The following MPHOSPH10 variants were observed in gnomAD, a reference collection of about 807,000 sequenced individuals.
MPHOSPH10 encodes U3 small nucleolar ribonucleoprotein MPP10.
In MPHOSPH10, 33 loss-of-function variants were observed where a neutral mutation model predicts 77.3. The observed-to-expected ratio is 0.43, with a 90% CI of 0.32 to 0.57. The LOEUF (loss-of-function observed/expected upper bound fraction) is 0.57. MPHOSPH10 is among the 20% of genes least tolerant of loss of function. MPHOSPH10 has a pLI of 0.07. For missense variants in MPHOSPH10, 708 were observed against 780.1 expected (o/e 0.91, Z 1.10); for synonymous variants, 245 against 268.0 (o/e 0.91, Z 0.84).
chr2:71,132,065 T>G (rs1158793366), intron 1 of MPHOSPH10, among the ~76,000 whole-genome samples: 1 of 152,184 alleles, frequency 6.6e-6, no homozygotes, highest in Non-Finnish European at 1.5e-5. Flanking sequence ...AATGTCTTCA[T>G]TTTTCTCTAT....
At position 71,130,701 on chromosome 2, in the gene MPHOSPH10, G is replaced by T. The variant is rs760489505; in HGVS notation, c.36G>T (p.Glu12Asp). Residue 12 changes from glutamate to aspartate, a missense_variant, in exon 1 of 11, where the codon GAG becomes GAT. By Grantham distance (45) the Glu-to-Asp change is conservative. This residue lies in a region of MPHOSPH10 where 433 missense variants were observed against 432.6 expected (regional missense o/e 1.00). Transcript: ENST00000244230. Reference sequence around the variant, plus strand: ...AGGTCTGGCGTCGACGGACCCTGGAGCGGTGTCTGACGGAAGTCGGCAAAG... The same window carrying T: ...AGGTCTGGCGTCGACGGACCCTGGATCGGTGTCTGACGGAAGTCGGCAAAG... ...APQVWRRRTL[E>D]RCLTEVGKAT... The T allele has an allele frequency of 4.3e-6, 7 of 1,611,082 alleles. No homozygotes were observed. Among genetic ancestry groups the T allele is most frequent in the Non-Finnish European group, 5.9e-6 (7 of 1,179,364 alleles).
intron 4 of MPHOSPH10, among the ~76,000 whole-genome samples, chr2:71,136,928 A>G (rs1450147555): frequency 1.4e-5 from 2 of 141,866 alleles, no homozygotes; most frequent in African/African-American, 5.4e-5. Context: ...ACACACACAC[A>G]CACACACACA....
At chr2:71,137,110 A>G (rs1445885832) in intron 4 of MPHOSPH10, among the ~76,000 whole-genome samples, 1 of 152,136 alleles carries the variant, frequency 6.6e-6, no homozygotes, top group Non-Finnish European at 1.5e-5. Flanking sequence ...GAGAAAAAAC[A>G]TATAGTCACC....
chr2:71,142,752 G>A (rs939090395), intron 7 of MPHOSPH10, among the ~76,000 whole-genome samples: 10 of 152,194 alleles, frequency 6.6e-5, no homozygotes, highest in African/African-American at 1.2e-4. Flanking sequence ...CAGTAGTAGC[G>A]TGATGCCTGA....
rs369080103 is a variant in MPHOSPH10, at chr2:71,147,992, T to A, written c.1558-7T>A. 1.9e-6 allele frequency: 3 copies of A among 1,611,026 alleles called. No homozygotes were observed. The African/African-American group carries it at 4.0e-5, about 22-fold the overall frequency. ...GCTTCCCATTGAATGTATTATCTCTTTTCTAGCCTGTACCAGAGATTAAAG... is the reference window on the plus strand; with the variant it reads ...GCTTCCCATTGAATGTATTATCTCTATTCTAGCCTGTACCAGAGATTAAAG... On this transcript the variant is annotated splice_polypyrimidine_tract_variant and splice_region_variant and intron_variant, in intron 8 of 10. Transcript: ENST00000244230.
intron 7 of MPHOSPH10, among the ~76,000 whole-genome samples, chr2:71,142,066 T>A (rs1489409024): frequency 6.6e-6 from 1 of 152,110 alleles, no homozygotes; most frequent in Non-Finnish European, 1.5e-5. Flanking sequence ...AAATCGCTGG[T>A]TAAATAATAG....
intron 8 of MPHOSPH10, among the ~76,000 whole-genome samples, chr2:71,146,438 C>T (rs566785268): frequency 2.7e-5 from 4 of 146,994 alleles, no homozygotes; most frequent in African/African-American, 7.5e-5. Flanking sequence ...CAAGTTTAAG[C>T]GATTCTCCTG....
chr2:71,142,120 T>A (rs1354967231), intron 7 of MPHOSPH10, among the ~76,000 whole-genome samples: 1 of 152,222 alleles, frequency 6.6e-6, no homozygotes, highest in African/African-American at 2.4e-5. Context: ...GATATAATAA[T>A]CGAATTATTC....
intron 8 of MPHOSPH10, among the ~76,000 whole-genome samples, chr2:71,147,653 A>G (rs1481001841): frequency 6.6e-6 from 1 of 152,040 alleles, no homozygotes; most frequent in Admixed American, 6.5e-5. Flanking sequence ...AGCCTGGGCA[A>G]CAGAGCAAGG....
intron 4 of MPHOSPH10, among the ~76,000 whole-genome samples, chr2:71,135,798 G>A (rs1164656863): frequency 2.0e-5 from 3 of 150,794 alleles, no homozygotes; most frequent in African/African-American, 7.3e-5. Context: ...CACCTCCCAG[G>A]TTCAATCAAT....
In MPHOSPH10 at chr2:71,149,463, AG is replaced by A. The variant is rs770581528; in HGVS notation, c.1896+13del. 12 of 1,605,332 alleles carry A rather than the reference AG, an allele frequency of 7.5e-6. No homozygotes were observed. Among genetic ancestry groups the A allele is most frequent in the African/African-American group, 1.3e-5 (1 of 74,296 alleles). Reference sequence around the variant, plus strand: ...AGCTTCCTTCATAAAGGTAAGGACAAGGGAAAGAAAACTGCTCAAGGGGACC... The same window carrying A: ...AGCTTCCTTCATAAAGGTAAGGACAAGGAAAGAAAACTGCTCAAGGGGACC... On this transcript the variant is annotated intron_variant, in intron 10 of 10. Transcript: ENST00000244230.
Position 71,149,943 on chromosome 2 carries a change from CAAT to C in MPHOSPH10, c.1975_1977del (p.Asn659del). On this transcript the variant is annotated inframe_deletion, in exon 11 of 11. Coordinates refer to ENST00000244230, the MANE Select transcript of MPHOSPH10 (RefSeq NM_005791.3). ...TACAAGATCAAGTAAAAATGCAAATCAATGATGCAAAGAAAACAGAAAAGAAAA... is the reference window on the plus strand; with the variant it reads ...TACAAGATCAAGTAAAAATGCAAATCGATGCAAAGAAAACAGAAAAGAAAA... 1 of 1,547,160 alleles carries C rather than the reference CAAT, an allele frequency of 6.5e-7. No individual in the cohort carries two copies. Among genetic ancestry groups the C allele is most frequent in the Non-Finnish European group, 8.8e-7 (1 of 1,142,056 alleles).
Position 71,149,210 on chromosome 2 carries a change from A to G in MPHOSPH10, c.1666-13A>G, listed in dbSNP as rs1673770873. ...TTGATGAATGAATATGTTGGTGGTTATTTTTTTAATAGGAGAAAAATAAAG... is the reference window on the plus strand; with the variant it reads ...TTGATGAATGAATATGTTGGTGGTTGTTTTTTTAATAGGAGAAAAATAAAG... On this transcript the variant is annotated splice_polypyrimidine_tract_variant and intron_variant, in intron 9 of 10. Coordinates refer to ENST00000244230, the MANE Select transcript of MPHOSPH10 (RefSeq NM_005791.3). 6.5e-7 allele frequency: 1 copy of G among 1,534,418 alleles called. No individual in the cohort carries two copies. Among genetic ancestry groups the G allele is most frequent in the African/African-American group, 1.4e-5 (1 of 71,540 alleles).
At chr2:71,140,679 G>T (rs570242932) in intron 6 of MPHOSPH10, among the ~76,000 whole-genome samples, 6 of 152,220 alleles carry the variant, frequency 3.9e-5, no homozygotes, top group African/African-American at 1.4e-4. Context: ...TTGAAGAATT[G>T]ATCTGATTTT....
intron 9 of MPHOSPH10, chr2:71,148,351 A>G (rs1017320914): frequency 1.6e-5 from 6 of 381,960 alleles, no homozygotes; most frequent in Non-Finnish European, 9.6e-6. Flanking sequence ...AGCTAGTATC[A>G]ATATCTTATT....
intron 7 of MPHOSPH10, among the ~76,000 whole-genome samples, chr2:71,143,731 C>A (rs1005572440): frequency 4.9e-4 from 74 of 152,170 alleles, no homozygotes; most frequent in Admixed American, 5.2e-4. Context: ...CCTTCCATTT[C>A]TGACCTCTTT....
intron 1 of MPHOSPH10, among the ~76,000 whole-genome samples, chr2:71,131,703 G>T (rs1440114443): frequency 1.3e-5 from 2 of 152,174 alleles, no homozygotes; most frequent in African/African-American, 4.8e-5. Flanking sequence ...GGAGGACGGG[G>T]TCACAAGGTA....
At chr2:71,137,656 C>CAA (rs60072810) in intron 4 of MPHOSPH10, among the ~76,000 whole-genome samples, 1,166 of 45,528 alleles carry the variant, frequency 0.026, 43 homozygotes, top group African/African-American at 0.058. Context: ...GAGACTGTCT[C>CAA]AAAAAAAAAA....
intron 9 of MPHOSPH10, 130 bp downstream of exon 9, chr2:71,148,236 T>C: frequency 1.4e-6 from 1 of 730,196 alleles, no homozygotes; most frequent in Non-Finnish European, 2.3e-6. Flanking sequence ...AGTTTCTAAG[T>C]ATAAGCAAAC....
Sources: gnomAD v4.1 joint callset for allele counts (sites outside exome capture counted in the v4.1 genomes callset) on GRCh38, gnomAD v4.1.1 for gene constraint, gnomAD v4.1.1 regional missense constraint, MANE v1.5 for transcripts, NCBI Gene and HGNC (gene_info 2026-07-23, HGNC 2026-07-21) for gene names.